Variants in DCC observed in about 807,000 individuals in gnomAD.
The protein encoded by DCC is netrin receptor DCC.
Under a neutral mutation model 172.5 loss-of-function variants are expected in DCC, and 58 were observed. That is an observed-to-expected ratio of 0.34 (90% confidence interval 0.27 to 0.42). The LOEUF is 0.42. DCC is among the 10% of genes least tolerant of loss of function. The probability of loss-of-function intolerance (pLI) is 1.00; values close to 1 mark genes in which losing one functional copy is unlikely to be tolerated. For synonymous variants in DCC, 709 were observed against 644.5 expected, an observed-to-expected ratio of 1.10 and a Z score of -1.52; for missense variants, 1,740 against 1,791.0, an observed-to-expected ratio of 0.97 and a Z score of 0.51.
intron 5 of DCC, among the ~76,000 whole-genome samples, chr18:53,012,464 G>A (rs2041744485): frequency 6.6e-6 from 1 of 151,910 alleles, no homozygotes; most frequent in Admixed American, 6.6e-5. Context: ...TCAAGAAAAG[G>A]CAAACCTATC....
rs754209733 is a variant in DCC at position 53,207,780 on chromosome 18, C to T, written c.1824C>T (p.Val608=). The change falls in exon 11 of 29, where the codon GTC becomes GTT. Residue 608 remains valine, a synonymous_variant. Transcript: ENST00000442544. ...CTTATAATCGCTATGGTCCGGGCGT[C>T]TCTACTGATGATATAACAGTGGTTA... The part of the protein sequence containing the change: ...FLAYNRYGPG[V]STDDITVVTL... 2 of 1,613,410 alleles carry T rather than the reference C, an allele frequency of 1.2e-6. No individual in the cohort carries two copies. Among genetic ancestry groups the T allele is most frequent in the Middle Eastern group, 1.7e-4 (1 of 6,058 alleles).
intron 1 of DCC, among the ~76,000 whole-genome samples, chr18:52,727,093 A>G (rs2036562591): frequency 6.6e-6 from 1 of 152,198 alleles, no homozygotes; most frequent in Non-Finnish European, 1.5e-5. Context: ...TGGAGTCAGT[A>G]GATAGATTGT....
intron 21 of DCC, among the ~76,000 whole-genome samples, chr18:53,428,674 A>T (rs867875419): frequency 3.5e-5 from 1 of 28,756 alleles, no homozygotes; most frequent in Non-Finnish European, 9.9e-5. Flanking sequence ...ATTTTATATA[A>T]TATATATTTT....
rs371870876 is a variant in DCC, at chr18:52,857,936, ATCATT to A, written c.413-48102_413-48098del. Among the ~76,000 whole-genome samples, 339 of 152,318 alleles carry A rather than the reference ATCATT, an allele frequency of 2.2e-3. 2 individuals are homozygous for A. The highest frequency in any genetic ancestry group is 7.8e-3 in the African/African-American group (323 of 41,584). Reference sequence around the variant, plus strand: ...TCGTGAGTTTTTCAAAAGAAGAAAAATCATTTCATTATTTGGTTAAAAGAATATTT... The same window carrying A: ...TCGTGAGTTTTTCAAAAGAAGAAAAATCATTATTTGGTTAAAAGAATATTT... On this transcript the variant is annotated intron_variant, in intron 2 of 28. Coordinates refer to ENST00000442544, the MANE Select transcript of DCC (RefSeq NM_005215.4).
At chr18:52,763,867 T>C (rs2145153183) in intron 2 of DCC, among the ~76,000 whole-genome samples, 1 of 152,330 alleles carries the variant, frequency 6.6e-6, no homozygotes, top group East Asian at 1.9e-4. Flanking sequence ...ATCTTGGGCA[T>C]CTTCCTATAT....
chr18:52,994,092 AG>A (rs1172168007), intron 5 of DCC, among the ~76,000 whole-genome samples: 1 of 152,148 alleles, frequency 6.6e-6, no homozygotes, highest in Non-Finnish European at 1.5e-5. Context: ...ACTATGTCTC[AG>A]GAATAGTCCT....
intron 1 of DCC, among the ~76,000 whole-genome samples, chr18:52,405,744 G>T (rs1986622484): frequency 6.6e-6 from 1 of 151,470 alleles, no homozygotes; most frequent in South Asian, 2.1e-4. Context: ...TGGCCATACT[G>T]CCCAAGGTAA....
chr18:52,640,560 C>A (rs2034870832), intron 1 of DCC, among the ~76,000 whole-genome samples: 1 of 151,924 alleles, frequency 6.6e-6, no homozygotes, highest in Admixed American at 6.6e-5. Flanking sequence ...CTTCTATATA[C>A]CAACAGCAAC....
intron 27 of DCC, among the ~76,000 whole-genome samples, chr18:53,502,927 G>A (rs547817434): frequency 5.9e-5 from 9 of 152,034 alleles, no homozygotes; most frequent in Admixed American, 4.6e-4. Context: ...GTGTGCCATG[G>A]TGGTTTGCTG....
At chr18:53,192,004 C>A (rs186187563) in intron 9 of DCC, among the ~76,000 whole-genome samples, 1 of 152,332 alleles carries the variant, frequency 6.6e-6, no homozygotes, top group African/African-American at 2.4e-5. Context: ...TATCTCTGAA[C>A]AAGCCCAAAC....
intron 1 of DCC, among the ~76,000 whole-genome samples, chr18:52,477,686 G>A (rs970820906): frequency 1.3e-5 from 2 of 152,132 alleles, no homozygotes; most frequent in African/African-American, 4.8e-5. Flanking sequence ...CAAACTGCAA[G>A]GGCCTAACCT....
At chr18:53,007,939 T>A (rs1397669048) in intron 5 of DCC, among the ~76,000 whole-genome samples, 1 of 152,050 alleles carries the variant, frequency 6.6e-6, no homozygotes, top group Non-Finnish European at 1.5e-5. Flanking sequence ...GACTTTCAGA[T>A]TTGGGAACTC....
chr18:53,240,040 AAAAAAAAAAACAAC>A (rs1223197620), intron 12 of DCC, among the ~76,000 whole-genome samples: 342 of 142,486 alleles, frequency 2.4e-3, no homozygotes, highest in South Asian at 4.8e-3. Context: ...AAAAAAAAAA[AAAAAAAAAAACAAC>A]AAAACACTTT....
chr18:53,350,665 T>C (rs1480223739), intron 15 of DCC, among the ~76,000 whole-genome samples: 3 of 152,220 alleles, frequency 2.0e-5, no homozygotes, highest in Middle Eastern at 6.8e-3. Context: ...TTTTAGTCCC[T>C]GTATCATGGT....
chr18:53,454,639 G>A (rs532621048), intron 23 of DCC, among the ~76,000 whole-genome samples: 20 of 152,274 alleles, frequency 1.3e-4, no homozygotes, highest in African/African-American at 4.8e-4. Flanking sequence ...ACCACTGGCT[G>A]GCTGGGCCTT....
chr18:52,530,275 A>AT (rs2032110145), intron 1 of DCC, among the ~76,000 whole-genome samples: 3 of 152,132 alleles, frequency 2.0e-5, no homozygotes, highest in African/African-American at 2.4e-5. Flanking sequence ...GAGCTGAGGC[A>AT]TTTTTTGGAT....
At chr18:52,346,164 T>A (rs1176108734) in intron 1 of DCC, among the ~76,000 whole-genome samples, 1 of 152,160 alleles carries the variant, frequency 6.6e-6, no homozygotes, top group Non-Finnish European at 1.5e-5. Flanking sequence ...GGATGAACAA[T>A]CCAGATTATT....
Position 52,360,091 on chromosome 18 carries a change from C to T in DCC, c.91+19213C>T, listed in dbSNP as rs146540715. Among the ~76,000 whole-genome samples, 1,076 of 152,032 alleles carry T rather than the reference C, an allele frequency of 7.1e-3. 5 individuals are homozygous for T. The highest frequency in any genetic ancestry group is 0.012 in the Non-Finnish European group (796 of 67,952). On this transcript the variant is annotated intron_variant, in intron 1 of 28. Transcript: ENST00000442544. ...TACACTATTGCTTTTTATTTTTTTGCAAATCACATTAATTCTTGCAATGTT... is the reference window on the plus strand; with the variant it reads ...TACACTATTGCTTTTTATTTTTTTGTAAATCACATTAATTCTTGCAATGTT...
intron 1 of DCC, among the ~76,000 whole-genome samples, chr18:52,392,274 T>C (rs1207769701): frequency 6.6e-6 from 1 of 152,074 alleles, no homozygotes; most frequent in African/African-American, 2.4e-5. Flanking sequence ...TTCAGCCTAA[T>C]AACAGAAAAT....
Sources: allele counts gnomAD v4.1 joint callset (sites outside exome capture counted in the v4.1 genomes callset), GRCh38; gene constraint gnomAD v4.1.1; transcripts MANE v1.5; gene names NCBI Gene and HGNC (gene_info 2026-07-23, HGNC 2026-07-21).